PTK2: variants seen among roughly 807,000 people sequenced by gnomAD.
PTK2 encodes protein tyrosine kinase 2, also known as focal adhesion kinase 1.
A neutral mutation model predicts 150.1 loss-of-function variants in PTK2; 45 were observed. That is an observed-to-expected ratio of 0.30 (90% CI 0.24 to 0.38). The LOEUF is 0.38. PTK2 is among the 10% of genes least tolerant of loss of function. The pLI, the probability that PTK2 is intolerant of heterozygous loss-of-function variation, is 1.00. For synonymous variants in PTK2, 432 were observed against 449.2 expected (o/e 0.96, Z 0.48); for missense variants, 919 against 1,307.3 (o/e 0.70, Z 4.58).
intron 8 of PTK2, among the ~76,000 whole-genome samples, chr8:140,828,017 A>G (rs1163386892): frequency 2.0e-5 from 3 of 152,106 alleles, no homozygotes; most frequent in Admixed American, 6.6e-5. Context: ...AAATAAAAAA[A>G]TTAGCCAGGT....
At chr8:140,727,701 C>T (rs558324041) in intron 22 of PTK2, among the ~76,000 whole-genome samples, 10 of 152,250 alleles carry the variant, frequency 6.6e-5, no homozygotes, top group Non-Finnish European at 1.0e-4. Context: ...GTTTAAGATG[C>T]TGTTCACAGA....
intron 12 of PTK2, among the ~76,000 whole-genome samples, chr8:140,797,426 G>A (rs1022766783): frequency 6.6e-6 from 1 of 152,104 alleles, no homozygotes; most frequent in Non-Finnish European, 1.5e-5. Flanking sequence ...ATGTAATTGT[G>A]TCGCTTCAGC....
intron 20 of PTK2, 80 bp from the exon 24 acceptor site, chr8:140,739,187 T>C (rs1292640490): frequency 9.7e-6 from 9 of 927,000 alleles, no homozygotes; most frequent in Non-Finnish European, 1.2e-5. Context: ...ATTTTCAGTA[T>C]CAAAGGAAAA....
intron 2 of PTK2, among the ~76,000 whole-genome samples, chr8:140,898,318 G>A (rs375606158): frequency 1.3e-5 from 2 of 152,280 alleles, no homozygotes; most frequent in South Asian, 4.1e-4. Context: ...ACATTCATCT[G>A]CACCAACATT....
intron 1 of PTK2, among the ~76,000 whole-genome samples, chr8:140,936,406 C>T (rs2100173637): frequency 6.6e-6 from 1 of 152,110 alleles, no homozygotes; most frequent in South Asian, 2.1e-4. Context: ...AGGTAAAACA[C>T]AGGAGGAGGG....
intron 22 of PTK2, among the ~76,000 whole-genome samples, chr8:140,725,971 G>A (rs1399533801): frequency 1.3e-5 from 2 of 151,986 alleles, no homozygotes; most frequent in African/African-American, 4.8e-5. Context: ...TTATATTCAA[G>A]GGTATAAAAG....
At chr8:140,798,904 T>C (rs1490917123) in intron 12 of PTK2, among the ~76,000 whole-genome samples, 1 of 152,066 alleles carries the variant, frequency 6.6e-6, no homozygotes, top group African/African-American at 2.4e-5. Flanking sequence ...AAGTGAAAAA[T>C]CAAGACCTAT....
intron 14 of PTK2, 79 bp from the exon 16 acceptor site, chr8:140,769,671 G>C: frequency 1.0e-6 from 1 of 964,032 alleles, no homozygotes; most frequent in Admixed American, 2.4e-5. Flanking sequence ...AGAGGGAAGA[G>C]AGGGGAAAAC....
intron 1 of PTK2, among the ~76,000 whole-genome samples, chr8:140,969,621 A>G (rs2100186539): frequency 6.6e-6 from 1 of 151,070 alleles, no homozygotes; most frequent in Non-Finnish European, 1.5e-5. Flanking sequence ...GTTTCTTTCC[A>G]GTCTCTACAG....
intron 5 of PTK2, among the ~76,000 whole-genome samples, chr8:140,851,686 ATCTC>A (rs1335057255): frequency 3.9e-5 from 6 of 152,034 alleles, no homozygotes; most frequent in Admixed American, 6.5e-5. Context: ...TGGCAAAAAC[ATCTC>A]TCTACTATAA....
At chr8:140,685,192 C>T (rs1285943698) in intron 27 of PTK2, among the ~76,000 whole-genome samples, 3 of 152,040 alleles carry the variant, frequency 2.0e-5, no homozygotes, top group Admixed American at 6.6e-5. Flanking sequence ...GCTAGCCATA[C>T]GCCAAAGAAT....
At chr8:140,667,384 C>G (rs925042091) in intron 30 of PTK2, among the ~76,000 whole-genome samples, 2 of 152,188 alleles carry the variant, frequency 1.3e-5, no homozygotes, top group African/African-American at 4.8e-5. Flanking sequence ...GTGCAACCAA[C>G]ATGCCAGTCT....
chr8:140,761,322 A>G, intron 15 of PTK2, 60 bp from the exon 19 acceptor site: 1 of 1,282,482 alleles, frequency 7.8e-7, no homozygotes, highest in Non-Finnish European at 1.1e-6. Context: ...TAGAAATAAC[A>G]CTTGACGTAT....
intron 1 of PTK2, among the ~76,000 whole-genome samples, chr8:140,965,674 C>T (rs979500686): frequency 6.6e-6 from 1 of 152,046 alleles, no homozygotes; most frequent in African/African-American, 2.4e-5. Context: ...ATCAGGAGTT[C>T]GAGACCAGCC....
At chr8:140,760,201 A>T (rs2100068599) in intron 16 of PTK2, among the ~76,000 whole-genome samples, 1 of 152,142 alleles carries the variant, frequency 6.6e-6, no homozygotes, top group Non-Finnish European at 1.5e-5. Flanking sequence ...CAGCCTGGCG[A>T]CAGAGCAAGA....
intron 1 of PTK2, among the ~76,000 whole-genome samples, chr8:140,999,296 G>C (rs894775222): frequency 1.3e-5 from 2 of 152,194 alleles, no homozygotes; most frequent in Non-Finnish European, 2.9e-5. Context: ...AAGGAAGCAT[G>C]TGTTTTAAAT....
At chr8:140,781,971 T>G (rs2100081958) in intron 14 of PTK2, among the ~76,000 whole-genome samples, 1 of 152,070 alleles carries the variant, frequency 6.6e-6, no homozygotes, top group African/African-American at 2.4e-5. Context: ...GCTATTTTGA[T>G]TGTTCACTTC....
At chr8:140,809,747 A>C (rs1217038321) in intron 10 of PTK2, among the ~76,000 whole-genome samples, 1 of 152,250 alleles carries the variant, frequency 6.6e-6, no homozygotes, top group African/African-American at 2.4e-5. Flanking sequence ...CAGAGGTTGC[A>C]GTAAGCCTTG....
intron 22 of PTK2, chr8:140,732,686 C>A (rs1482066712): frequency 2.4e-6 from 1 of 425,364 alleles, no homozygotes; most frequent in Non-Finnish European, 4.8e-6. Context: ...CAGTGACTAG[C>A]ACCAGGCTCA....
Sources: gnomAD v4.1 joint callset for allele counts (sites outside exome capture counted in the v4.1 genomes callset) on GRCh38, gnomAD v4.1.1 for gene constraint, MANE v1.5 for transcripts, NCBI Gene and HGNC (gene_info 2026-07-23, HGNC 2026-07-21) for gene names.